The following RSL1D1 variants were observed in gnomAD, a reference collection of about 807,000 sequenced individuals.
RSL1D1 encodes ribosomal L1 domain containing 1.
Under a neutral mutation model 44.6 loss-of-function variants are expected in RSL1D1, and 34 were observed. That is an observed-to-expected ratio of 0.76 (90% CI 0.58 to 1.02). RSL1D1 has a LOEUF of 1.02. Among genes scored for constraint, RSL1D1 ranks in the 50% least tolerant of loss-of-function variants. The probability of loss-of-function intolerance (pLI) is 0.00; values close to 1 mark genes in which losing one functional copy is unlikely to be tolerated. For missense variants in RSL1D1, 767 were observed against 568.1 expected, an observed-to-expected ratio of 1.35 and a Z score of -3.56; for synonymous variants, 271 against 207.4, an observed-to-expected ratio of 1.31 and a Z score of -2.63.
At chr16:11,848,208 G>A (rs555168453) in intron 2 of RSL1D1, among the ~76,000 whole-genome samples, 5 of 152,200 alleles carry the variant, frequency 3.3e-5, no homozygotes, top group South Asian at 2.1e-4. Context: ...AGCCAAGATC[G>A]CACCACTGGA....
chr16:11,837,793 C>A lies in RSL1D1; in HGVS notation c.1467G>T (p.Ser489=), dbSNP rs557829773. 6.2e-7 allele frequency: 1 copy of A among 1,603,828 alleles called. No homozygotes were observed. Among genetic ancestry groups the A allele is most frequent in the Admixed American group, 1.7e-5 (1 of 57,738 alleles). ...TCCAGTTGAATCACTGACTTTAGGT[C>A]GACTGGGGTACTTTGGGTTTTTTGG... ...KWPKKPKVPQ[S]T Residue 489 remains serine (S), a synonymous_variant, in exon 9 of 9, where the codon TCG becomes TCT. Coordinates refer to ENST00000571133, the MANE Select transcript of RSL1D1 (RefSeq NM_015659.3).
At chr16:11,838,189 T>C in intron 8 of RSL1D1, 76 bp from the exon 9 acceptor site, 2 of 1,166,228 alleles carry the variant, frequency 1.7e-6, no homozygotes, top group Non-Finnish European at 2.4e-6. Context: ...GTTACTGTTT[T>C]TATTTGTATT....
chr16:11,841,187 A>C (rs1472072621), intron 7 of RSL1D1, among the ~76,000 whole-genome samples: 2 of 152,204 alleles, frequency 1.3e-5, no homozygotes, highest in Non-Finnish European at 2.9e-5. Flanking sequence ...AGGCAGGCGG[A>C]TCGCTTGAGC....
chr16:11,846,208 C>G (rs1172620555), intron 5 of RSL1D1, among the ~76,000 whole-genome samples: 2 of 151,158 alleles, frequency 1.3e-5, no homozygotes, highest in African/African-American at 4.8e-5. Context: ...CTGGCTAACT[C>G]GGTGAAACCC....
At position 11,837,907 on chromosome 16, in the gene RSL1D1, C is replaced by T. The variant is rs746157567; in HGVS notation, c.1353G>A (p.Ala451=). The change falls in exon 9 of 9, where the codon GCG becomes GCA. Residue 451 remains alanine (A), a synonymous_variant. Transcript: ENST00000571133. ...CCTCTGGCTTTTTTGGAGTCTGTCT[C>T]GCATCTTTTTTCCCCAGCGAAGGAC... is the stretch of plus-strand genomic sequence containing the variant. ...EKSPSLGKKD[A]RQTPKKPEAK... is the part of the protein sequence containing the mutation. 17 of 1,613,996 alleles carry T rather than the reference C, an allele frequency of 1.1e-5. No individual in the cohort carries two copies. In the East Asian group the frequency reaches 1.3e-4, roughly 13 times the overall value.
rs969213039 is a variant in RSL1D1, at chr16:11,836,378, A to C, written c.*1409T>G. 6.6e-5 allele frequency: 10 copies of C among 152,206 alleles called. No individual in the cohort carries two copies. The highest frequency in any genetic ancestry group is 3.2e-3 in the Middle Eastern group (1 of 316). 9.4% of individuals were successfully genotyped at this position (152,206 alleles called of 1,614,324 possible). ...GCATCTAGCACCCACATTATCTTTG[A>C]AAGCAGTTGAGTCTTTGGCATGCAA... On this transcript the variant is annotated 3_prime_UTR_variant, in exon 9 of 9. Transcript: ENST00000571133.
chr16:11,847,600 ATT>A (rs2053808041), intron 3 of RSL1D1, 66 bp downstream of exon 3: 1 of 1,299,778 alleles, frequency 7.7e-7, no homozygotes, highest in Non-Finnish European at 1.1e-6. Flanking sequence ...ATAGCAATGT[ATT>A]TGTGATACCA....
intron 2 of RSL1D1, among the ~76,000 whole-genome samples, chr16:11,848,601 G>T (rs1022433612): frequency 1.3e-5 from 2 of 152,042 alleles, no homozygotes; most frequent in African/African-American, 4.8e-5. Flanking sequence ...CATAGCTCAC[G>T]ATAGCCTCCA....
chr16:11,844,054 G>A (rs976354706), intron 5 of RSL1D1, among the ~76,000 whole-genome samples: 6 of 151,942 alleles, frequency 3.9e-5, no homozygotes, highest in South Asian at 2.1e-4. Context: ...GCTCACTGTC[G>A]GCACAGTGTC....
rs1567417932 is a variant in RSL1D1 at position 11,839,800 on chromosome 16, T to C, written c.1041A>G (p.Lys347=). Residue 347 remains lysine (K), a synonymous_variant, in exon 8 of 9, where the codon AAA becomes AAG. Transcript: ENST00000571133. The part of the protein sequence containing the change: ...KEQTPEHGKK[K]RGRGKAQVKA... ...TAACTTGGGCTTTTCCTCTGCCACGTTTTTTCTTCCCATGCTCTGGGGTCT... is the reference window on the plus strand; with the variant it reads ...TAACTTGGGCTTTTCCTCTGCCACGCTTTTTCTTCCCATGCTCTGGGGTCT... 5 of 1,614,038 alleles carry C rather than the reference T, an allele frequency of 3.1e-6. No individual in the cohort carries two copies.
At chr16:11,841,287 T>G (rs2053762207) in intron 7 of RSL1D1, 1 of 161,118 alleles carries the variant, frequency 6.2e-6, no homozygotes, top group Non-Finnish European at 1.4e-5. Context: ...GAAGCATGCC[T>G]GCAGTGCCAG....
Position 11,846,734 on chromosome 16 carries a change from A to G in RSL1D1, c.494T>C (p.Leu165Ser). The stretch of plus-strand genomic sequence containing the variant: ...GAAATGTCTCCCAATGAGTGAGGGT[A>G]AGAGCCGCCTAATTCTGGCATCAGT... ...FLTDARIRRL[L>S]PSLIGRHFYQ... The change falls in exon 4 of 9, where the codon TTA (leucine) becomes TCA (serine). Residue 165 changes from leucine (L) to serine (S), a missense_variant. Transcript: ENST00000571133. 1 of 1,614,150 alleles carries G rather than the reference A, an allele frequency of 6.2e-7. No homozygotes were observed. The highest frequency in any genetic ancestry group is 8.5e-7 in the Non-Finnish European group (1 of 1,179,986).
chr16:11,846,395 A>C lies in RSL1D1; in HGVS notation c.635+106T>G, dbSNP rs556555002. The C allele has an allele frequency of 1.4e-5, 5 of 368,028 alleles. No homozygotes were observed. In the South Asian group the frequency reaches 1.8e-4, roughly 14 times the overall value. 22.8% of individuals were successfully genotyped at this position (368,028 alleles called of 1,614,324 possible). ...GGCAGACAGAGTAAGACTCCATCTC[A>C]AAAAAAAAAAACAAAAACAAAAAAC... is the stretch of plus-strand genomic sequence containing the variant. On this transcript the variant is annotated intron_variant, in intron 5 of 8. Transcript: ENST00000571133.
intron 2 of RSL1D1, among the ~76,000 whole-genome samples, chr16:11,849,551 T>C (rs955527639): frequency 6.6e-6 from 1 of 152,198 alleles, no homozygotes; most frequent in African/African-American, 2.4e-5. Flanking sequence ...AAGCATTCTG[T>C]ATAATCACCA....
At position 11,834,232 on chromosome 16, in the gene RSL1D1, T is replaced by C. The variant is rs1377096458; in HGVS notation, c.*3555A>G. The C allele has an allele frequency of 1.3e-5, 2 of 152,222 alleles. No individual in the cohort carries two copies. Among genetic ancestry groups the C allele is most frequent in the African/African-American group, 4.8e-5 (2 of 41,450 alleles). The allele number at this position is 152,222 out of a possible 1,614,324, so 9.4% of individuals were successfully genotyped here. A position where few individuals can be genotyped will look rare whatever the true frequency, so the allele number is the denominator to read the frequency against. On this transcript the variant is annotated 3_prime_UTR_variant, in exon 9 of 9. Coordinates refer to ENST00000571133, the MANE Select transcript of RSL1D1 (RefSeq NM_015659.3). The stretch of plus-strand genomic sequence containing the variant: ...TTCAACTTTATGATTTTTCAACTTT[T>C]TGATGGTATAAAAGCGATACATAAT...
chr16:11,845,807 G>C (rs1250685667), intron 5 of RSL1D1, among the ~76,000 whole-genome samples: 1 of 151,464 alleles, frequency 6.6e-6, no homozygotes, highest in African/African-American at 2.4e-5. Context: ...CTGCAGTCTT[G>C]ACCTTCTAGG....
rs2053800108 is a variant in RSL1D1 at position 11,846,577 on chromosome 16, A to T, written c.559T>A (p.Ser187Thr). ...KKVPVSVNLL[S>T]KNLSREINDC... ...TTGATCTCTCTTGATAAATTCTTGGACAGAAGGTTTACAGATACTGGAACT... is the reference window on the plus strand; with the variant it reads ...TTGATCTCTCTTGATAAATTCTTGGTCAGAAGGTTTACAGATACTGGAACT... Residue 187 changes from serine to threonine, a missense_variant, in exon 5 of 9, where the codon TCC becomes ACC. By Grantham distance (58) the Ser-to-Thr change is moderately conservative. Transcript: ENST00000571133. The T allele has an allele frequency of 1.1e-5, 17 of 1,609,462 alleles. No individual in the cohort carries two copies. The highest frequency in any genetic ancestry group is 1.4e-5 in the Non-Finnish European group (16 of 1,177,478).
rs1025636931 is a variant in RSL1D1, at chr16:11,836,443, T to C, written c.*1344A>G. 2 of 152,204 alleles carry C rather than the reference T, an allele frequency of 1.3e-5. No individual in the cohort carries two copies. The highest frequency in any genetic ancestry group is 2.9e-5 in the Non-Finnish European group (2 of 68,042). 9.4% of individuals were successfully genotyped at this position (152,204 alleles called of 1,614,324 possible). The stretch of plus-strand genomic sequence containing the variant: ...TGCAGTGAATCTGTGAACTTACTAC[T>C]ACGGATGCATACCAATTCACAACCA... On this transcript the variant is annotated 3_prime_UTR_variant, in exon 9 of 9. Transcript: ENST00000571133.
rs762972539 is a variant in RSL1D1, at chr16:11,851,482, A to T, written c.31T>A (p.Ser11Thr). The T allele has an allele frequency of 3.1e-6, 5 of 1,613,922 alleles. No individual in the cohort carries two copies. Among genetic ancestry groups the T allele is most frequent in the Non-Finnish European group, 4.2e-6 (5 of 1,179,988 alleles). Residue 11 changes from serine (S) to threonine (T), a missense_variant, in exon 1 of 9, where the codon TCT becomes ACT. Physicochemically the swap from Ser to Thr is moderately conservative, Grantham distance 58. Coordinates refer to ENST00000571133, the MANE Select transcript of RSL1D1 (RefSeq NM_015659.3). Reference sequence around the variant, plus strand: ...GTGGAGGTTCCAGTAGCGGCTGCAGAAGACAGCGAGGCCGAGGCCGAATCC... The same window carrying T: ...GTGGAGGTTCCAGTAGCGGCTGCAGTAGACAGCGAGGCCGAGGCCGAATCC... The part of the protein sequence containing the change: MEDSASASLS[S>T]AAATGTSTST...
Sources: gnomAD v4.1 joint callset for allele counts (sites outside exome capture counted in the v4.1 genomes callset) on GRCh38, gnomAD v4.1.1 for gene constraint, MANE v1.5 for transcripts, NCBI Gene and HGNC (gene_info 2026-07-23, HGNC 2026-07-21) for gene names.